MUSK: variants seen among roughly 807,000 people sequenced by gnomAD.
MUSK encodes the protein muscle associated receptor tyrosine kinase, also known as muscle, skeletal receptor tyrosine-protein kinase.
A neutral mutation model predicts 88.7 loss-of-function variants in MUSK; 55 were observed. The ratio of observed to expected loss-of-function variants is 0.62; its 90% CI spans 0.50 to 0.78. MUSK has a LOEUF of 0.78. Among genes scored for constraint, MUSK ranks in the 30% least tolerant of loss-of-function variants. The pLI is 0.00. For synonymous variants in MUSK, 387 were observed against 391.9 expected (o/e 0.99, Z 0.15); for missense variants, 1,015 against 1,074.3 (o/e 0.94, Z 0.77).
intron 4 of MUSK, 35 bp downstream of exon 4, chr9:110,695,565 A>C: frequency 2.7e-6 from 4 of 1,474,168 alleles, no homozygotes; most frequent in Non-Finnish European, 3.7e-6. Flanking sequence ...CATATATAAA[A>C]TGTATTTTAA....
rs189209106 is a variant in MUSK, at chr9:110,782,944, C to T, written c.1385-1871C>T. On this transcript the variant is annotated intron_variant, in intron 11 of 14. Coordinates refer to ENST00000374448, the MANE Select transcript of MUSK (RefSeq NM_005592.4). ...CACAGTGGTGACCAGGCCTGGCATC[C>T]GCAGGCTTCAGAATCACTTGCTTAG... is the stretch of plus-strand genomic sequence containing the variant. Among the ~76,000 whole-genome samples the T allele has an allele frequency of 4.7e-3, 723 of 152,228 alleles. 20 individuals are homozygous for T. Among genetic ancestry groups the T allele is most frequent in the Admixed American group, 0.037 (572 of 15,296 alleles).
At chr9:110,763,695 C>T (rs896879888) in intron 8 of MUSK, among the ~76,000 whole-genome samples, 1 of 151,994 alleles carries the variant, frequency 6.6e-6, no homozygotes, top group African/African-American at 2.4e-5. Context: ...GTCAAGTGTG[C>T]CTGTGCAGGG....
rs1052817964 is a variant in MUSK at position 110,722,959 on chromosome 9, G to A, written c.629-11292G>A. On this transcript the variant is annotated intron_variant, in intron 5 of 14. Coordinates refer to ENST00000374448, the MANE Select transcript of MUSK (RefSeq NM_005592.4). ...AACGTAAACTAGTACAACCACTATG[G>A]AAAACAGTGTGGTGATTCTTTAAAG... Among the ~76,000 whole-genome samples the A allele has an allele frequency of 2.6e-5, 4 of 152,038 alleles. No individual in the cohort carries two copies. In the East Asian group the frequency reaches 7.7e-4, roughly 29 times the overall value.
At position 110,715,109 on chromosome 9, in the gene MUSK, G is replaced by C. The variant is rs567110815; in HGVS notation, c.628+17643G>C. On this transcript the variant is annotated intron_variant, in intron 5 of 14. Coordinates refer to ENST00000374448, the MANE Select transcript of MUSK (RefSeq NM_005592.4). ...GATTGACGTTACAAAATAAAATAAAGCCTTCTCCCTTTGAAGTCCGCTAAA... is the reference window on the plus strand; with the variant it reads ...GATTGACGTTACAAAATAAAATAAACCCTTCTCCCTTTGAAGTCCGCTAAA... 5.1e-4 allele frequency among the ~76,000 whole-genome samples: 77 copies of C among 149,666 alleles called. 4 individuals carry two copies. Among genetic ancestry groups the C allele is most frequent in the African/African-American group, 1.9e-3 (76 of 39,416 alleles).
At chr9:110,775,468 T>C in intron 9 of MUSK, 2 of 337,712 alleles carry the variant, frequency 5.9e-6, no homozygotes, top group South Asian at 2.8e-5. Context: ...CTACCTGTGT[T>C]GTTATTTGAA....
rs370079610 is a variant in MUSK, at chr9:110,800,678, G to A, written c.2300G>A (p.Arg767His). The A allele has an allele frequency of 7.5e-5, 121 of 1,613,968 alleles. No individual in the cohort carries two copies. The highest frequency in any genetic ancestry group is 9.7e-5 in the Non-Finnish European group (114 of 1,179,888). ...KANENDAIPI[R>H]WMPPESIFYN... ...AATGAAAACGACGCTATCCCTATCC[G>A]TTGGATGCCACCAGAGTCCATTTTT... Residue 767 changes from arginine to histidine, a missense_variant, in exon 15 of 15, where the codon CGT becomes CAT. By Grantham distance (29) the Arg-to-His change is conservative (BLOSUM62 0). Transcript: ENST00000374448.
At chr9:110,681,126 A>ATAT in intron 1 of MUSK, among the ~76,000 whole-genome samples, 1 of 72,700 alleles carries the variant, frequency 1.4e-5, no homozygotes, top group Admixed American at 2.4e-4. Flanking sequence ...AATATATATT[A>ATAT]TATATATTAT....
At chr9:110,789,223 T>A (rs1292748841) in intron 14 of MUSK, among the ~76,000 whole-genome samples, 1 of 152,208 alleles carries the variant, frequency 6.6e-6, no homozygotes, top group African/African-American at 2.4e-5. Context: ...ATTGCAATGA[T>A]GCAGCAAGAG....
At position 110,684,544 on chromosome 9, in the gene MUSK, A is replaced by G. The variant is rs547758743; in HGVS notation, c.206+1744A>G. 4.6e-5 allele frequency among the ~76,000 whole-genome samples: 7 copies of G among 151,796 alleles called. No individual in the cohort carries two copies. The East Asian group carries it at 1.2e-3, about 25-fold the overall frequency. ...TCATCGGTATTTTGATAGGAATTGC[A>G]TGGAATCTATAGACTGCTTTTGGTA... On this transcript the variant is annotated intron_variant, in intron 2 of 14. Coordinates refer to ENST00000374448, the MANE Select transcript of MUSK (RefSeq NM_005592.4).
chr9:110,680,943 A>G (rs1160349685), intron 1 of MUSK, among the ~76,000 whole-genome samples: 1 of 104,052 alleles, frequency 9.6e-6, no homozygotes, highest in African/African-American at 3.9e-5. Flanking sequence ...GTATATTATA[A>G]TGATCCTTAT....
At chr9:110,747,262 G>A (rs1426184874) in intron 6 of MUSK, among the ~76,000 whole-genome samples, 4 of 152,214 alleles carry the variant, frequency 2.6e-5, no homozygotes, top group Admixed American at 2.6e-4. Flanking sequence ...GTTCCCACCT[G>A]GGGCAGAGGG....
At chr9:110,676,759 A>G (rs762346507) in intron 1 of MUSK, among the ~76,000 whole-genome samples, 12 of 152,102 alleles carry the variant, frequency 7.9e-5, no homozygotes, top group Admixed American at 3.9e-4. Context: ...ATAGTATTCC[A>G]TGGTGTATAT....
intron 7 of MUSK, among the ~76,000 whole-genome samples, chr9:110,751,658 TG>T (rs1344279382): frequency 6.6e-6 from 1 of 151,462 alleles, no homozygotes; most frequent in African/African-American, 2.4e-5. Flanking sequence ...AGCTTTAGAG[TG>T]GGGAGAAGTT....
intron 3 of MUSK, 131 bp downstream of exon 3, chr9:110,687,399 A>T (rs919335772): frequency 2.1e-5 from 22 of 1,041,986 alleles, no homozygotes; most frequent in Non-Finnish European, 2.7e-5. Context: ...CAGTGGCATG[A>T]TCTCGGTTCA....
intron 14 of MUSK, among the ~76,000 whole-genome samples, chr9:110,797,566 C>G (rs1282619817): frequency 6.6e-6 from 1 of 152,084 alleles, no homozygotes; most frequent in Non-Finnish European, 1.5e-5. Flanking sequence ...GCAAGAATTT[C>G]TATAGTAGTA....
At position 110,747,735 on chromosome 9, in the gene MUSK, T is replaced by C. The variant is rs2077193041; in HGVS notation, c.848T>C (p.Ile283Thr). 8 of 1,613,860 alleles carry C rather than the reference T, an allele frequency of 5.0e-6. No homozygotes were observed. The highest frequency in any genetic ancestry group is 6.8e-6 in the Non-Finnish European group (8 of 1,179,808). ...ACCAAGCCAGGACTCTACACATGCA[T>C]AGCTACCAATAAGCATGGGGAGAAG... ...FITKPGLYTC[I>T]ATNKHGEKFS... Residue 283 changes from isoleucine (I) to threonine (T), a missense_variant, in exon 7 of 15, where the codon ATA (isoleucine) becomes ACA (threonine). Ile to Thr is a moderately conservative substitution (Grantham distance 89, BLOSUM62 -1). Coordinates refer to ENST00000374448, the MANE Select transcript of MUSK (RefSeq NM_005592.4).
intron 5 of MUSK, among the ~76,000 whole-genome samples, chr9:110,710,919 A>G (rs542177793): frequency 8.5e-5 from 13 of 152,352 alleles, no homozygotes; most frequent in African/African-American, 2.6e-4. Flanking sequence ...ATTTAGTGCC[A>G]TAAAAAATGA....
intron 6 of MUSK, among the ~76,000 whole-genome samples, chr9:110,737,914 T>C (rs930065921): frequency 3.9e-5 from 6 of 152,196 alleles, no homozygotes; most frequent in Admixed American, 1.3e-4. Context: ...CAACAGAAAA[T>C]CTCATTCGCA....
At chr9:110,702,101 C>A (rs139207214) in intron 5 of MUSK, among the ~76,000 whole-genome samples, 1 of 151,238 alleles carries the variant, frequency 6.6e-6, no homozygotes, top group Non-Finnish European at 1.5e-5. Context: ...TAGGATTAAA[C>A]ACTATAGCTC....
Sources: gnomAD v4.1 joint callset for allele counts (sites outside exome capture counted in the v4.1 genomes callset) on GRCh38, gnomAD v4.1.1 for gene constraint, MANE v1.5 for transcripts, NCBI Gene and HGNC (gene_info 2026-07-23, HGNC 2026-07-21) for gene names.